Variants in RASAL2 observed in about 807,000 individuals in gnomAD.
The protein encoded by RASAL2 is ras GTPase-activating protein nGAP.
RASAL2 carries 58 observed loss-of-function variants against 128.9 expected under a neutral mutation model. The ratio of observed to expected loss-of-function variants is 0.45; its 90% CI spans 0.36 to 0.56. The LOEUF (loss-of-function observed/expected upper bound fraction) is 0.56. RASAL2 is among the 20% of genes least tolerant of loss of function. The probability of loss-of-function intolerance (pLI) is 0.00; values close to 1 mark genes in which losing one functional copy is unlikely to be tolerated. For missense variants in RASAL2, 1,360 were observed against 1,601.6 expected (o/e 0.85, Z 2.57); for synonymous variants, 561 against 580.8 (o/e 0.97, Z 0.49).
At chr1:178,127,844 T>C (rs1357722113) in intron 1 of RASAL2, among the ~76,000 whole-genome samples, 2 of 152,068 alleles carry the variant, frequency 1.3e-5, no homozygotes, top group East Asian at 3.8e-4. Flanking sequence ...TTAATTTCTT[T>C]TTAAAGAATA....
chr1:178,397,311 C>T (rs1389813987), intron 4 of RASAL2, among the ~76,000 whole-genome samples: 2 of 152,162 alleles, frequency 1.3e-5, no homozygotes, highest in Non-Finnish European at 2.9e-5. Flanking sequence ...GAATGAGATA[C>T]TGACACATGC....
chr1:178,333,187 C>G (rs944061983), intron 3 of RASAL2, among the ~76,000 whole-genome samples: 4 of 152,068 alleles, frequency 2.6e-5, no homozygotes, highest in Non-Finnish European at 5.9e-5. Context: ...CGCCACCGCT[C>G]CCGGCTAATT....
At position 178,447,884 on chromosome 1, in the gene RASAL2, G is replaced by A. The variant is rs140914848; in HGVS notation, c.1627+2222G>A. Among the ~76,000 whole-genome samples, 1,212 of 152,092 alleles carry A rather than the reference G, an allele frequency of 8.0e-3. 10 individuals are homozygous for A. Among genetic ancestry groups the A allele is most frequent in the Admixed American group, 0.016 (244 of 15,262 alleles). On this transcript the variant is annotated intron_variant, in intron 9 of 17. Transcript: ENST00000367649. ...ATTGTGGGGTGTTGTGAGTGACTAG[G>A]GGGATGATGAGATTCTTAACAGGAA...
intron 9 of RASAL2, 116 bp downstream of exon 9, chr1:178,445,778 A>C: frequency 1.9e-6 from 2 of 1,079,156 alleles, no homozygotes; most frequent in Non-Finnish European, 2.6e-6. Context: ...TAGCTGACTC[A>C]GGTGTTAAGG....
intron 1 of RASAL2, among the ~76,000 whole-genome samples, chr1:178,235,189 G>T (rs1664177095): frequency 6.6e-6 from 1 of 152,132 alleles, no homozygotes; most frequent in African/African-American, 2.4e-5. Flanking sequence ...CAAAGTAAAA[G>T]AATGTCAAAG....
intron 1 of RASAL2, among the ~76,000 whole-genome samples, chr1:178,117,183 A>G (rs189972944): frequency 3.3e-5 from 5 of 152,282 alleles, no homozygotes; most frequent in Admixed American, 2.0e-4. Flanking sequence ...TACTTTCTCT[A>G]CTAGAGTTAA....
intron 1 of RASAL2, among the ~76,000 whole-genome samples, chr1:178,185,529 G>T (rs371253463): frequency 1.3e-5 from 2 of 151,686 alleles, no homozygotes; most frequent in Non-Finnish European, 2.9e-5. Context: ...TGGCTTGGGG[G>T]TATATAAGAA....
At chr1:178,277,586 G>A (rs1321939193) in intron 1 of RASAL2, among the ~76,000 whole-genome samples, 2 of 152,204 alleles carry the variant, frequency 1.3e-5, no homozygotes, top group Non-Finnish European at 2.9e-5. Flanking sequence ...CGAAGAATTT[G>A]CCATTTCTAA....
chr1:178,131,292 G>C (rs1319421583), intron 1 of RASAL2, among the ~76,000 whole-genome samples: 1 of 149,038 alleles, frequency 6.7e-6, no homozygotes, highest in Non-Finnish European at 1.5e-5. Context: ...CTGCAGTCTT[G>C]AACTCCCAGG....
chr1:178,192,807 T>C (rs950155333), intron 1 of RASAL2, among the ~76,000 whole-genome samples: 2 of 152,196 alleles, frequency 1.3e-5, no homozygotes, highest in African/African-American at 4.8e-5. Flanking sequence ...TCCTTTGCAT[T>C]CTGTCTCCAA....
chr1:178,371,437 A>G (rs558319283), intron 3 of RASAL2, among the ~76,000 whole-genome samples: 4 of 151,716 alleles, frequency 2.6e-5, no homozygotes, highest in Non-Finnish European at 5.9e-5. Context: ...ATTGCCCCCA[A>G]GTTCCGACCA....
At chr1:178,363,559 A>G (rs549202026) in intron 3 of RASAL2, among the ~76,000 whole-genome samples, 3 of 152,322 alleles carry the variant, frequency 2.0e-5, no homozygotes, top group East Asian at 3.9e-4. Context: ...TTTTCATTGT[A>G]AAATTAGCAA....
At chr1:178,161,896 C>T (rs1661313481) in intron 1 of RASAL2, among the ~76,000 whole-genome samples, 1 of 151,882 alleles carries the variant, frequency 6.6e-6, no homozygotes, top group African/African-American at 2.4e-5. Context: ...AATGTCTATT[C>T]AGATTCTTTG....
chr1:178,356,721 G>T (rs545561167), intron 3 of RASAL2, among the ~76,000 whole-genome samples: 5 of 152,266 alleles, frequency 3.3e-5, no homozygotes, highest in South Asian at 2.1e-4. Flanking sequence ...TATCTATAGG[G>T]TGAAAGGAAT....
At chr1:178,210,768 A>C (rs1663226498) in intron 1 of RASAL2, among the ~76,000 whole-genome samples, 1 of 152,226 alleles carries the variant, frequency 6.6e-6, no homozygotes, top group African/African-American at 2.4e-5. Flanking sequence ...GAAAATTTAT[A>C]TATGGAAATC....
At chr1:178,381,046 A>C (rs1479230991) in intron 3 of RASAL2, among the ~76,000 whole-genome samples, 1 of 152,238 alleles carries the variant, frequency 6.6e-6, no homozygotes, top group Admixed American at 6.5e-5. Flanking sequence ...TGAAAAAAGC[A>C]GGCATGTGAG....
At chr1:178,312,017 T>C (rs1373893081) in intron 3 of RASAL2, among the ~76,000 whole-genome samples, 1 of 150,848 alleles carries the variant, frequency 6.6e-6, no homozygotes, top group African/African-American at 2.4e-5. Context: ...TAAAACTCAA[T>C]ATAAGGGTTG....
intron 1 of RASAL2, among the ~76,000 whole-genome samples, chr1:178,140,617 A>G (rs1417967879): frequency 6.6e-6 from 1 of 152,184 alleles, no homozygotes; most frequent in Non-Finnish European, 1.5e-5. Flanking sequence ...TATGCAGTTA[A>G]AAGTTTCCTC....
At chr1:178,347,640 G>A (rs182913381) in intron 3 of RASAL2, among the ~76,000 whole-genome samples, 232 of 152,172 alleles carry the variant, frequency 1.5e-3, no homozygotes, top group African/African-American at 5.4e-3. Flanking sequence ...CGTCTAAAAT[G>A]AGAAAAAAGA....
Sources: allele counts gnomAD v4.1 joint callset (sites outside exome capture counted in the v4.1 genomes callset), GRCh38; gene constraint gnomAD v4.1.1; transcripts MANE v1.5; gene names NCBI Gene and HGNC (gene_info 2026-07-23, HGNC 2026-07-21).